Variants in DPYD observed in about 807,000 individuals in gnomAD.
DPYD encodes dihydropyrimidine dehydrogenase [NADP(+)].
DPYD carries 109 observed loss-of-function variants against 116.2 expected under a neutral mutation model. The ratio of observed to expected loss-of-function variants is 0.94; its 90% confidence interval spans 0.80 to 1.10. The LOEUF (loss-of-function observed/expected upper bound fraction) is 1.10. Ranked by LOEUF, DPYD falls within the 50% of genes least tolerant of loss-of-function variation. The pLI, the probability that DPYD is intolerant of heterozygous loss-of-function variation, is 0.00. For synonymous variants in DPYD, 440 were observed against 432.0 expected (o/e 1.02, Z -0.23); for missense variants, 1,302 against 1,254.5 (o/e 1.04, Z -0.57).
At chr1:97,815,954 A>G (rs1668583472) in intron 3 of DPYD, among the ~76,000 whole-genome samples, 1 of 152,214 alleles carries the variant, frequency 6.6e-6, no homozygotes, top group Non-Finnish European at 1.5e-5. Flanking sequence ...CATTGAAATT[A>G]GGGTTTATTC....
intron 18 of DPYD, among the ~76,000 whole-genome samples, chr1:97,258,757 A>G (rs1663680698): frequency 6.6e-6 from 1 of 152,132 alleles, no homozygotes; most frequent in Non-Finnish European, 1.5e-5. Flanking sequence ...ACCAGATAAG[A>G]TTGTATTTTG....
intron 3 of DPYD, among the ~76,000 whole-genome samples, chr1:97,824,183 TA>T (rs1468907708): frequency 4.6e-5 from 7 of 152,190 alleles, no homozygotes; most frequent in African/African-American, 1.4e-4. Context: ...TATGTCTTTA[TA>T]AAATAAGAGC....
chr1:97,865,166 G>A (rs531155739), intron 2 of DPYD, among the ~76,000 whole-genome samples: 35 of 151,986 alleles, frequency 2.3e-4, no homozygotes, highest in East Asian at 7.8e-4. Flanking sequence ...TACACAACAA[G>A]TTGGTCAGGT....
At chr1:97,099,140 T>C (rs549913596) in intron 20 of DPYD, among the ~76,000 whole-genome samples, 10 of 152,116 alleles carry the variant, frequency 6.6e-5, no homozygotes, top group Non-Finnish European at 1.5e-4. Context: ...TTCAAATTCT[T>C]ACTACATCTC....
intron 14 of DPYD, among the ~76,000 whole-genome samples, chr1:97,383,236 G>T (rs904280083): frequency 2.0e-5 from 3 of 152,044 alleles, no homozygotes; most frequent in Admixed American, 6.5e-5. Context: ...CAATACTTTG[G>T]GAGGCAGAGG....
chr1:97,359,203 A>G (rs768328541), intron 16 of DPYD, among the ~76,000 whole-genome samples: 4 of 152,258 alleles, frequency 2.6e-5, no homozygotes, highest in Admixed American at 6.5e-5. Flanking sequence ...AAGTGGAAGA[A>G]AGGGTATCAG....
At chr1:97,542,181 T>C (rs544866580) in intron 12 of DPYD, among the ~76,000 whole-genome samples, 40 of 152,262 alleles carry the variant, frequency 2.6e-4, no homozygotes, top group Middle Eastern at 3.4e-3. Flanking sequence ...TACTGAACTT[T>C]CTCTCTCTCA....
intron 16 of DPYD, among the ~76,000 whole-genome samples, chr1:97,323,159 A>C (rs1668404769): frequency 6.7e-6 from 1 of 149,612 alleles, no homozygotes; most frequent in East Asian, 2.0e-4. Flanking sequence ...ATATATGTGT[A>C]AATATATATG....
intron 11 of DPYD, among the ~76,000 whole-genome samples, chr1:97,564,346 A>C (rs964822533): frequency 2.6e-5 from 4 of 152,180 alleles, no homozygotes; most frequent in Non-Finnish European, 5.9e-5. Flanking sequence ...ATGGAATATG[A>C]CAGGCTTCTG....
intron 14 of DPYD, among the ~76,000 whole-genome samples, chr1:97,410,092 AAG>A (rs941125884): frequency 3.4e-5 from 5 of 146,728 alleles, no homozygotes; most frequent in East Asian, 4.1e-4. Flanking sequence ...GAAGAAGAAG[AAG>A]AAAAAAAAAA....
At chr1:97,531,678 T>C (rs572188472) in intron 12 of DPYD, among the ~76,000 whole-genome samples, 148 of 152,176 alleles carry the variant, frequency 9.7e-4, no homozygotes, top group Non-Finnish European at 1.6e-3. Context: ...ATTTGGAATT[T>C]TGATAAGGAT....
At chr1:97,808,669 C>G (rs11165912) in intron 3 of DPYD, among the ~76,000 whole-genome samples, 7,371 of 152,056 alleles carry the variant, frequency 0.048, 577 homozygotes, top group African/African-American at 0.16. Flanking sequence ...CCAAAAAGCA[C>G]TGGTCAGAAC....
At chr1:97,750,822 A>G (rs890265966) in intron 3 of DPYD, among the ~76,000 whole-genome samples, 1 of 152,168 alleles carries the variant, frequency 6.6e-6, no homozygotes, top group Non-Finnish European at 1.5e-5. Context: ...AAATTTGTCT[A>G]TATGGAGGGC....
chr1:97,824,244 T>A (rs1171144328), intron 3 of DPYD, among the ~76,000 whole-genome samples: 1 of 152,140 alleles, frequency 6.6e-6, no homozygotes, highest in Non-Finnish European at 1.5e-5. Flanking sequence ...TGGTTTTACA[T>A]CTATTACCAG....
intron 20 of DPYD, among the ~76,000 whole-genome samples, chr1:97,185,534 A>T (rs1657935325): frequency 1.3e-5 from 2 of 152,218 alleles, no homozygotes; most frequent in Non-Finnish European, 2.9e-5. Flanking sequence ...AAGTATGTTT[A>T]TAGCAAAAAT....
At chr1:97,901,191 G>C (rs1437591947) in intron 1 of DPYD, among the ~76,000 whole-genome samples, 2 of 151,736 alleles carry the variant, frequency 1.3e-5, no homozygotes, top group African/African-American at 4.8e-5. Context: ...AAGTAACAGA[G>C]ATTCTTAACC....
At chr1:97,594,153 T>C (rs1654715883) in intron 9 of DPYD, among the ~76,000 whole-genome samples, 1 of 152,170 alleles carries the variant, frequency 6.6e-6, no homozygotes, top group Non-Finnish European at 1.5e-5. Context: ...ATAAGATCAA[T>C]TACTATAATT....
chr1:97,786,622 C>G (rs767352009), intron 3 of DPYD, among the ~76,000 whole-genome samples: 28 of 152,188 alleles, frequency 1.8e-4, no homozygotes, highest in Non-Finnish European at 3.5e-4. Context: ...ATTTTATTAG[C>G]TTGTCTCTGA....
intron 13 of DPYD, among the ~76,000 whole-genome samples, chr1:97,459,351 G>A (rs1461923546): frequency 6.6e-6 from 1 of 152,114 alleles, no homozygotes; most frequent in East Asian, 1.9e-4. Context: ...AGCAAATGGA[G>A]AGAACTAGGA....
Sources: allele counts gnomAD v4.1 joint callset (sites outside exome capture counted in the v4.1 genomes callset), GRCh38; gene constraint gnomAD v4.1.1; transcripts MANE v1.5; gene names NCBI Gene and HGNC (gene_info 2026-07-23, HGNC 2026-07-21).